TGM2: variants seen among roughly 807,000 people sequenced by gnomAD.
TGM2 encodes transglutaminase 2.
A neutral mutation model predicts 75.6 loss-of-function variants in TGM2; 53 were observed. The ratio of observed to expected loss-of-function variants is 0.70; its 90% CI spans 0.56 to 0.88. The LOEUF is 0.88. TGM2 is among the 40% of genes least tolerant of loss of function. The pLI is 0.00. For synonymous variants in TGM2, 374 were observed against 381.1 expected, an observed-to-expected ratio of 0.98 and a Z score of 0.22; for missense variants, 842 against 928.5, an observed-to-expected ratio of 0.91 and a Z score of 1.21.
At chr20:38,140,563 G>T (rs1050746447) in intron 8 of TGM2, among the ~76,000 whole-genome samples, 1 of 152,178 alleles carries the variant, frequency 6.6e-6, no homozygotes, top group Non-Finnish European at 1.5e-5. Flanking sequence ...AGCCTGAGGA[G>T]CACTTAGGAC....
intron 4 of TGM2, 131 bp from the exon 5 acceptor site, chr20:38,148,220 C>T: frequency 8.3e-7 from 1 of 1,200,390 alleles, no homozygotes; most frequent in South Asian, 1.3e-5. Context: ...CCGGCCGAGT[C>T]TACCAAATCT....
intron 3 of TGM2, among the ~76,000 whole-genome samples, chr20:38,153,751 A>C (rs2075147249): frequency 6.6e-6 from 1 of 152,048 alleles, no homozygotes; most frequent in Non-Finnish European, 1.5e-5. Flanking sequence ...ATATCTAACA[A>C]TGGTGTCCCC....
intron 4 of TGM2, among the ~76,000 whole-genome samples, chr20:38,148,974 G>A (rs1265016062): frequency 2.6e-5 from 4 of 152,098 alleles, no homozygotes; most frequent in African/African-American, 7.2e-5. Flanking sequence ...AGCCTTCCAC[G>A]GTGTGAACCC....
At chr20:38,152,763 C>G (rs1483038189) in intron 3 of TGM2, among the ~76,000 whole-genome samples, 2 of 152,276 alleles carry the variant, frequency 1.3e-5, no homozygotes, top group Non-Finnish European at 2.9e-5. Context: ...AACTTCCTGC[C>G]TCTGCATCAC....
At chr20:38,131,771 C>G (rs1247764962) in intron 11 of TGM2, among the ~76,000 whole-genome samples, 3 of 152,072 alleles carry the variant, frequency 2.0e-5, no homozygotes, top group Non-Finnish European at 4.4e-5. Context: ...AAGTGAAGGG[C>G]TATAATGATG....
chr20:38,147,865 C>T, intron 5 of TGM2, 96 bp downstream of exon 5: 1 of 1,526,980 alleles, frequency 6.5e-7, no homozygotes, highest in South Asian at 1.2e-5. Flanking sequence ...CTCCCGGGTC[C>T]CCCACCGCGC....
rs1484344015 is a variant in TGM2 at position 38,132,406 on chromosome 20, T to C, written c.1710A>G (p.Pro570=). Residue 570 remains proline, a synonymous_variant, in exon 11 of 13, where the codon CCA becomes CCG. Coordinates refer to ENST00000361475, the MANE Select transcript of TGM2 (RefSeq NM_004613.4). The stretch of plus-strand genomic sequence containing the variant: ...CAGCCAGCAGGTAGCTGTTGATAAC[T>C]GGCTCCACGAGGAGGGCCCGCACCT... The part of the protein sequence containing the change: ...LIKVRALLVE[P]VINSYLLAER... 1 of 1,614,160 alleles carries C rather than the reference T, an allele frequency of 6.2e-7. No homozygotes were observed. The highest frequency in any genetic ancestry group is 8.5e-7 in the Non-Finnish European group (1 of 1,180,022).
chr20:38,153,098 G>C lies in TGM2; in HGVS notation c.434-2041C>G, dbSNP rs1026633601. Among the ~76,000 whole-genome samples the C allele has an allele frequency of 2.6e-5, 4 of 152,148 alleles. No individual in the cohort carries two copies. In the South Asian group the frequency reaches 8.3e-4, roughly 32 times the overall value. ...GAGAAATCATTCCATTGGCCACAGG[G>C]TATGAAGCAAGGGTGCTCGTTGACG... On this transcript the variant is annotated intron_variant, in intron 3 of 12. Transcript: ENST00000361475.
In TGM2 at chr20:38,128,567, A is replaced by G. The variant is rs1331699278; in HGVS notation, c.*1652T>C. On this transcript the variant is annotated 3_prime_UTR_variant, in exon 13 of 13. Transcript: ENST00000361475. ...CAAGGCTTTTATAAAACCGTAGAGAAATAGAGCTCTATGTATAGAGAAAAT... is the reference window on the plus strand; with the variant it reads ...CAAGGCTTTTATAAAACCGTAGAGAGATAGAGCTCTATGTATAGAGAAAAT... 6 of 152,238 alleles carry G rather than the reference A, an allele frequency of 3.9e-5. No homozygotes were observed. Among genetic ancestry groups the G allele is most frequent in the Non-Finnish European group, 7.3e-5 (5 of 68,042 alleles). 9.4% of individuals were successfully genotyped at this position (152,238 alleles called of 1,614,324 possible).
chr20:38,165,011 T>A (rs1313266542), intron 1 of TGM2, among the ~76,000 whole-genome samples, 178 bp downstream of exon 1: 3 of 152,160 alleles, frequency 2.0e-5, no homozygotes, highest in Non-Finnish European at 4.4e-5. Flanking sequence ...CAAGGGTTAA[T>A]GGTTATGCAG....
At chr20:38,130,763 G>T (rs950453874) in intron 12 of TGM2, among the ~76,000 whole-genome samples, 3 of 152,228 alleles carry the variant, frequency 2.0e-5, no homozygotes, top group African/African-American at 7.2e-5. Context: ...AAACACCCAC[G>T]CATGCATATG....
intron 10 of TGM2, among the ~76,000 whole-genome samples, chr20:38,134,111 G>A (rs1233294262): frequency 6.6e-6 from 1 of 152,176 alleles, no homozygotes; most frequent in African/African-American, 2.4e-5. Flanking sequence ...GTCACCAGAA[G>A]GACGGATTGA....
At chr20:38,138,844 A>G (rs2074933579) in intron 9 of TGM2, among the ~76,000 whole-genome samples, 1 of 151,824 alleles carries the variant, frequency 6.6e-6, no homozygotes, top group South Asian at 2.1e-4. Context: ...CTTATATTCC[A>G]TTTGCCTCTC....
At chr20:38,164,417 G>T (rs961969991) in intron 1 of TGM2, among the ~76,000 whole-genome samples, 1 of 152,138 alleles carries the variant, frequency 6.6e-6, no homozygotes. Flanking sequence ...TGGGACCTAC[G>T]AGAGTGCTGC....
At chr20:38,147,249 C>T (rs1297516442) in intron 5 of TGM2, among the ~76,000 whole-genome samples, 2 of 151,978 alleles carry the variant, frequency 1.3e-5, no homozygotes. Context: ...TTGTGTCGTT[C>T]CCCCTAAACT....
intron 6 of TGM2, among the ~76,000 whole-genome samples, chr20:38,142,917 C>T (rs2074993806): frequency 6.6e-6 from 1 of 152,228 alleles, no homozygotes; most frequent in African/African-American, 2.4e-5. Flanking sequence ...TCGGTGTCTG[C>T]AATTCCCTCT....
At chr20:38,161,637 A>G in intron 1 of TGM2, 38 bp from the exon 2 acceptor site, 1 of 1,613,108 alleles carries the variant, frequency 6.2e-7, no homozygotes, top group Non-Finnish European at 8.5e-7. Context: ...CCTCGGGGGC[A>G]TCCTTCAGAC....
intron 10 of TGM2, among the ~76,000 whole-genome samples, chr20:38,136,132 G>A (rs1296018230): frequency 9.9e-5 from 15 of 152,214 alleles, no homozygotes; most frequent in African/African-American, 2.4e-5. Context: ...CTGCTGAGGA[G>A]TCTGCCCCGG....
chr20:38,142,044 C>T lies in TGM2; in HGVS notation c.995+20G>A. 1.2e-6 allele frequency: 2 copies of T among 1,614,022 alleles called. No homozygotes were observed. Among genetic ancestry groups the T allele is most frequent in the Non-Finnish European group, 1.7e-6 (2 of 1,179,972 alleles). ...GGCCCTCCCTACTGGGCTCCGATCC[C>T]ACCCTGGCCCCCACCTCACCAGATC... On this transcript the variant is annotated intron_variant, in intron 7 of 12. Coordinates refer to ENST00000361475, the MANE Select transcript of TGM2 (RefSeq NM_004613.4).
Sources: gnomAD v4.1 joint callset for allele counts (sites outside exome capture counted in the v4.1 genomes callset) on GRCh38, gnomAD v4.1.1 for gene constraint, MANE v1.5 for transcripts, NCBI Gene and HGNC (gene_info 2026-07-23, HGNC 2026-07-21) for gene names.